The following PDE4B variants were observed in gnomAD, a reference collection of about 807,000 sequenced individuals.
PDE4B encodes 3',5'-cyclic-AMP phosphodiesterase 4B.
A neutral mutation model predicts 82.2 loss-of-function variants in PDE4B; 20 were observed. The observed-to-expected ratio is 0.24, with a 90% CI of 0.17 to 0.35. The LOEUF is 0.35. PDE4B is among the 10% of genes least tolerant of loss of function. PDE4B has a pLI of 1.00. For missense variants in PDE4B, 655 were observed against 907.2 expected, an observed-to-expected ratio of 0.72 and a Z score of 3.57; for synonymous variants, 320 against 318.9, an observed-to-expected ratio of 1.00 and a Z score of -0.04.
At chr1:66,104,250 C>G (rs1339130950) in intron 3 of PDE4B, among the ~76,000 whole-genome samples, 1 of 151,992 alleles carries the variant, frequency 6.6e-6, no homozygotes, top group Non-Finnish European at 1.5e-5. Flanking sequence ...CATCCATGTC[C>G]CTGCAAAGGA....
intron 3 of PDE4B, among the ~76,000 whole-genome samples, chr1:66,045,153 C>A (rs1217740063): frequency 1.3e-5 from 2 of 151,688 alleles, no homozygotes; most frequent in African/African-American, 4.8e-5. Context: ...ACAAACTGAC[C>A]TTTTTCTCCT....
intron 1 of PDE4B, among the ~76,000 whole-genome samples, chr1:65,835,949 A>T (rs1646134533): frequency 6.7e-6 from 1 of 150,026 alleles, no homozygotes; most frequent in African/African-American, 2.5e-5. Flanking sequence ...TTTTATTTTT[A>T]TTTTTTTCCG....
At chr1:65,825,030 T>A (rs557896395) in intron 1 of PDE4B, among the ~76,000 whole-genome samples, 2 of 152,340 alleles carry the variant, frequency 1.3e-5, no homozygotes, top group Admixed American at 1.3e-4. Flanking sequence ...GTAGCAGACA[T>A]GATTAACTGG....
At chr1:66,031,955 TG>T (rs1255264472) in intron 3 of PDE4B, among the ~76,000 whole-genome samples, 1 of 152,188 alleles carries the variant, frequency 6.6e-6, no homozygotes, top group Non-Finnish European at 1.5e-5. Context: ...TTTCAAAGGT[TG>T]GGGCTCCTGT....
intron 3 of PDE4B, among the ~76,000 whole-genome samples, chr1:66,146,146 G>A (rs914490906): frequency 6.8e-6 from 1 of 147,264 alleles, no homozygotes; most frequent in Non-Finnish European, 1.5e-5. Flanking sequence ...AACAAGTTTA[G>A]GAGAAGGCCA....
At chr1:66,228,110 T>G (rs1028742740) in intron 3 of PDE4B, among the ~76,000 whole-genome samples, 1 of 152,238 alleles carries the variant, frequency 6.6e-6, no homozygotes, top group Non-Finnish European at 1.5e-5. Context: ...ACTTGCTGTT[T>G]CCTTAGCCTG....
intron 7 of PDE4B, among the ~76,000 whole-genome samples, chr1:66,322,429 C>T (rs1659466678): frequency 6.6e-6 from 1 of 150,490 alleles, no homozygotes; most frequent in Non-Finnish European, 1.5e-5. Context: ...TGACAAAGGG[C>T]TAATATCCGG....
chr1:66,120,584 A>AT (rs1267846621), intron 3 of PDE4B, among the ~76,000 whole-genome samples: 4 of 152,140 alleles, frequency 2.6e-5, no homozygotes, highest in Non-Finnish European at 5.9e-5. Context: ...TAAAAAAATT[A>AT]TTTGCCAGGA....
At chr1:66,001,274 T>C (rs1651848193) in intron 3 of PDE4B, among the ~76,000 whole-genome samples, 1 of 152,228 alleles carries the variant, frequency 6.6e-6, no homozygotes, top group African/African-American at 2.4e-5. Flanking sequence ...TACCTAGATA[T>C]ACTAATTGTT....
chr1:66,289,947 T>G (rs962725970), intron 7 of PDE4B, among the ~76,000 whole-genome samples: 1 of 151,890 alleles, frequency 6.6e-6, no homozygotes, highest in African/African-American at 2.4e-5. Context: ...GTAGAAATAG[T>G]AAGGGAGAGA....
intron 3 of PDE4B, among the ~76,000 whole-genome samples, chr1:66,107,803 G>C (rs535686474): frequency 6.6e-6 from 1 of 152,022 alleles, no homozygotes; most frequent in South Asian, 2.1e-4. Flanking sequence ...ATCAATCTGA[G>C]TTGTGTAAGC....
At chr1:66,342,818 C>A (rs765591847) in intron 8 of PDE4B, among the ~76,000 whole-genome samples, 11 of 151,582 alleles carry the variant, frequency 7.3e-5, no homozygotes, top group Non-Finnish European at 1.3e-4. Context: ...CCTAAGAGGG[C>A]GAATCACTTG....
chr1:66,028,827 C>T (rs1653600461), intron 3 of PDE4B, among the ~76,000 whole-genome samples: 1 of 152,232 alleles, frequency 6.6e-6, no homozygotes, highest in Non-Finnish European at 1.5e-5. Context: ...GAGACCACCT[C>T]AGCCTGAATT....
chr1:66,258,634 C>T (rs1023113509), intron 6 of PDE4B, among the ~76,000 whole-genome samples: 1 of 152,144 alleles, frequency 6.6e-6, no homozygotes, highest in African/African-American at 2.4e-5. Flanking sequence ...CCTAAGCTCT[C>T]AAGAATCCAG....
At chr1:66,168,293 G>C (rs1403544790) in intron 3 of PDE4B, among the ~76,000 whole-genome samples, 3 of 152,046 alleles carry the variant, frequency 2.0e-5, no homozygotes, top group Non-Finnish European at 4.4e-5. Context: ...CTAGTGCAAG[G>C]GTACAGATGA....
At chr1:66,268,973 C>A (rs995990667) in intron 7 of PDE4B, among the ~76,000 whole-genome samples, 1 of 152,124 alleles carries the variant, frequency 6.6e-6, no homozygotes, top group Non-Finnish European at 1.5e-5. Flanking sequence ...ACTCATGGTG[C>A]TTTCGCATAG....
At chr1:66,272,143 G>A (rs561532571) in intron 7 of PDE4B, among the ~76,000 whole-genome samples, 4 of 152,320 alleles carry the variant, frequency 2.6e-5, no homozygotes, top group Non-Finnish European at 4.4e-5. Flanking sequence ...CCTGCCTCGA[G>A]CCTGGTCATG....
At chr1:66,223,381 T>C (rs1022441356) in intron 3 of PDE4B, among the ~76,000 whole-genome samples, 7 of 152,122 alleles carry the variant, frequency 4.6e-5, no homozygotes, top group African/African-American at 1.7e-4. Context: ...TTACTCAGTT[T>C]CCCTGAGAGG....
At chr1:66,231,666 G>A (rs1226166025) in intron 3 of PDE4B, among the ~76,000 whole-genome samples, 1 of 152,218 alleles carries the variant, frequency 6.6e-6, no homozygotes, top group African/African-American at 2.4e-5. Context: ...ACTATTCAAA[G>A]GATGGATTTG....
Sources: gnomAD v4.1 joint callset for allele counts (sites outside exome capture counted in the v4.1 genomes callset) on GRCh38, gnomAD v4.1.1 for gene constraint, MANE v1.5 for transcripts, NCBI Gene and HGNC (gene_info 2026-07-23, HGNC 2026-07-21) for gene names.